NBAS: variants seen among roughly 807,000 people sequenced by gnomAD.
The protein encoded by NBAS is NAG/BC035112 fusion.
Under a neutral mutation model 302.5 loss-of-function variants are expected in NBAS, and 219 were observed. The observed-to-expected ratio is 0.72, with a 90% CI of 0.65 to 0.81. The LOEUF is 0.81. Ranked by LOEUF, NBAS falls within the 30% of genes least tolerant of loss-of-function variation. The pLI is 0.00. For missense variants in NBAS, 2,932 were observed against 2,841.6 expected (o/e 1.03, Z -0.72); for synonymous variants, 1,118 against 1,021.6 (o/e 1.09, Z -1.80).
At chr2:15,200,166 T>G (rs1006694410) in intron 48 of NBAS, among the ~76,000 whole-genome samples, 1 of 152,108 alleles carries the variant, frequency 6.6e-6, no homozygotes, top group African/African-American at 2.4e-5. Context: ...CCCAGAGTTA[T>G]AAGCATGAGC....
intron 31 of NBAS, 44 bp from the exon 32 acceptor site, chr2:15,366,737 C>A: frequency 6.4e-7 from 1 of 1,574,602 alleles, no homozygotes; most frequent in South Asian, 1.1e-5. Context: ...AGGGACATCA[C>A]AAAAGGGTGT....
the NBAS span, among the ~76,000 whole-genome samples, chr2:15,010,735 G>C: frequency 1.3e-5 from 2 of 152,134 alleles, no homozygotes; most frequent in African/African-American, 4.8e-5. Context: ...TGGAGTGGGA[G>C]CTATGATTAT....
the NBAS span, among the ~76,000 whole-genome samples, chr2:14,893,314 T>G: frequency 1.3e-5 from 2 of 152,212 alleles, no homozygotes; most frequent in African/African-American, 4.8e-5. Context: ...CTTTTGGATT[T>G]ATTTGTCCTT....
chr2:15,445,770 A>C (rs1434511486), intron 21 of NBAS, among the ~76,000 whole-genome samples: 1 of 152,078 alleles, frequency 6.6e-6, no homozygotes, highest in Non-Finnish European at 1.5e-5. Context: ...GTAAAGAAGA[A>C]GGAAATTATG....
chr2:14,963,190 C>T, the NBAS span, among the ~76,000 whole-genome samples: 10 of 152,056 alleles, frequency 6.6e-5, no homozygotes, highest in African/African-American at 2.2e-4. Flanking sequence ...ACTACTTGAA[C>T]CTGGGAGGCG....
chr2:15,295,351 C>A (rs1280045771), intron 40 of NBAS, among the ~76,000 whole-genome samples: 1 of 152,184 alleles, frequency 6.6e-6, no homozygotes, highest in Non-Finnish European at 1.5e-5. Context: ...GACAAAAAGA[C>A]AGTAGTGTCT....
chr2:15,016,022 A>C, the NBAS span, among the ~76,000 whole-genome samples: 31 of 152,120 alleles, frequency 2.0e-4, no homozygotes, highest in African/African-American at 7.2e-4. Context: ...AGGCAATCCC[A>C]TTTACAATAG....
chr2:15,487,825 C>G (rs1680695495), intron 12 of NBAS, among the ~76,000 whole-genome samples: 1 of 152,162 alleles, frequency 6.6e-6, no homozygotes, highest in Non-Finnish European at 1.5e-5. Context: ...ACCTCTGCCA[C>G]TGAGGACAAA....
chr2:15,436,149 A>G (rs1678002798), intron 21 of NBAS, among the ~76,000 whole-genome samples: 1 of 152,192 alleles, frequency 6.6e-6, no homozygotes, highest in Non-Finnish European at 1.5e-5. Context: ...TCAAAGGAAA[A>G]AACTCTTAAG....
chr2:15,292,431 C>T, intron 41 of NBAS, 106 bp downstream of exon 41: 1 of 1,199,678 alleles, frequency 8.3e-7, no homozygotes, highest in Non-Finnish European at 1.2e-6. Context: ...TTCATAGCAA[C>T]CATGAATGTA....
Position 15,479,159 on chromosome 2 carries a change from T to C in NBAS, c.1084-870A>G, listed in dbSNP as rs79579016. ...AAGAACTTCCTATTCTCCACTATTA[T>C]GGTAAATCACTCAGAGCAGACCCTG... On this transcript the variant is annotated intron_variant, in intron 12 of 51. Transcript: ENST00000281513. Among the ~76,000 whole-genome samples, 1,258 of 152,236 alleles carry C rather than the reference T, an allele frequency of 8.3e-3. 21 individuals carry two copies. Among genetic ancestry groups the C allele is most frequent in the East Asian group, 0.058 (302 of 5,170 alleles).
chr2:15,483,358 TAG>T (rs1169722994), intron 12 of NBAS: 8 of 436,848 alleles, frequency 1.8e-5, no homozygotes, highest in Non-Finnish European at 3.8e-5. Flanking sequence ...TACTTAAGAT[TAG>T]TCCAACACCT....
At position 15,424,351 on chromosome 2, in the gene NBAS, C is replaced by G; in HGVS notation, c.2541G>C (p.Gln847His). 6.2e-7 allele frequency: 1 copy of G among 1,614,136 alleles called. No individual in the cohort carries two copies. The highest frequency in any genetic ancestry group is 8.5e-7 in the Non-Finnish European group (1 of 1,179,996). The change falls in exon 23 of 52, where the codon CAG becomes CAC. Residue 847 changes from glutamine (Q) to histidine (H), a missense_variant. Physicochemically the swap from Gln to His is conservative, Grantham distance 24. Transcript: ENST00000281513. ...AATGCTCTATTTCCTCTGCTCTGGT[C>G]TGATACCAGTCCATAACCTTCTCCA... is the stretch of plus-strand genomic sequence containing the variant. Reference protein sequence around the residue: ...LTVEKVMDWYQTRAEEIEHYA... With the variant: ...LTVEKVMDWYHTRAEEIEHYA...
the NBAS span, among the ~76,000 whole-genome samples, chr2:15,005,933 G>C: frequency 6.6e-6 from 1 of 152,144 alleles, no homozygotes; most frequent in Non-Finnish European, 1.5e-5. Flanking sequence ...ATTGCTTTTA[G>C]GAGTAATTCT....
At chr2:15,108,320 CT>C in the NBAS span, among the ~76,000 whole-genome samples, 1 of 151,988 alleles carries the variant, frequency 6.6e-6, no homozygotes, top group Non-Finnish European at 1.5e-5. Flanking sequence ...ATTATTCTTG[CT>C]TTTTGAGTAC....
At chr2:15,108,595 G>C in the NBAS span, among the ~76,000 whole-genome samples, 4 of 152,240 alleles carry the variant, frequency 2.6e-5, no homozygotes, top group African/African-American at 9.6e-5. Flanking sequence ...GCCCCAGAGA[G>C]GGAGGCAAGG....
the NBAS span, among the ~76,000 whole-genome samples, chr2:15,126,771 A>G: frequency 2.0e-5 from 3 of 152,172 alleles, no homozygotes; most frequent in Non-Finnish European, 2.9e-5. Context: ...ACTGCTATGA[A>G]ACACTAAGAT....
At chr2:14,801,404 A>C in the NBAS span, among the ~76,000 whole-genome samples, 1 of 152,046 alleles carries the variant, frequency 6.6e-6, no homozygotes, top group Non-Finnish European at 1.5e-5. Context: ...CTTTAATTTC[A>C]CCAATTTTTT....
chr2:14,804,942 G>T, the NBAS span, among the ~76,000 whole-genome samples: 1 of 152,310 alleles, frequency 6.6e-6, no homozygotes, highest in East Asian at 1.9e-4. Context: ...TCAACTAGAG[G>T]ATAAAAGCAA....
Sources: gnomAD v4.1 joint callset for allele counts (sites outside exome capture counted in the v4.1 genomes callset) on GRCh38, gnomAD v4.1.1 for gene constraint, MANE v1.5 for transcripts, NCBI Gene and HGNC (gene_info 2026-07-23, HGNC 2026-07-21) for gene names.